Variants in MYH9 observed in about 807,000 individuals in gnomAD.
MYH9 encodes the protein myosin heavy chain 9.
MYH9 carries 29 observed loss-of-function variants against 241.9 expected under a neutral mutation model. That is an observed-to-expected ratio of 0.12 (90% CI 0.09 to 0.16). The LOEUF is 0.16. Among genes scored for constraint, MYH9 ranks in the 10% least tolerant of loss-of-function variants. The pLI is 1.00. For synonymous variants in MYH9, 1,047 were observed against 1,062.6 expected (o/e 0.99, Z 0.29); for missense variants, 1,803 against 2,595.5 (o/e 0.69, Z 6.63).
rs1419115329 is a variant in MYH9 at position 36,329,702 on chromosome 22, G to A, written c.491-2214C>T. 1.3e-5 allele frequency among the ~76,000 whole-genome samples: 2 copies of A among 152,210 alleles called. No individual in the cohort carries two copies. The highest frequency in any genetic ancestry group is 2.9e-5 in the Non-Finnish European group (2 of 68,036). ...AATTCCTCTAATTGTGTGAGGAGGA[G>A]TCAGAGGCTCTGCTGCTGAACAACA... On this transcript the variant is annotated intron_variant, in intron 3 of 40. Transcript: ENST00000216181. The surrounding 1 kb of genome is among the most constrained non-coding windows in gnomAD (Gnocchi z 4.1).
At chr22:36,318,628 C>A (rs1431658754) in intron 10 of MYH9, among the ~76,000 whole-genome samples, 2 of 152,210 alleles carry the variant, frequency 1.3e-5, no homozygotes, top group African/African-American at 2.4e-5. Context: ...GAGGCCACAG[C>A]GGCAGCAGTG....
intron 1 of MYH9, among the ~76,000 whole-genome samples, chr22:36,369,685 G>C (rs2018062508): frequency 6.6e-6 from 1 of 152,242 alleles, no homozygotes; most frequent in African/African-American, 2.4e-5. Flanking sequence ...AACCACCACT[G>C]TGAGGCTATG....
rs983436378 is a variant in MYH9 at position 36,285,009 on chromosome 22, C to T, written c.5483+112G>A. ...GCCCCATCAGGAGGGAGGGAAACAG[C>T]CCCAGGCTCAGGAGACAGAGAGCTG... On this transcript the variant is annotated intron_variant, in intron 38 of 40. Coordinates refer to ENST00000216181, the MANE Select transcript of MYH9 (RefSeq NM_002473.6). The surrounding 1 kb of genome is among the most constrained non-coding windows in gnomAD (Gnocchi z 7.0). 8 of 1,032,808 alleles carry T rather than the reference C, an allele frequency of 7.7e-6. No homozygotes were observed. The Admixed American group carries it at 1.4e-4, about 19-fold the overall frequency. The allele number at this position is 1,032,808 out of a possible 1,614,324, so 64.0% of individuals were successfully genotyped here. A position where few individuals can be genotyped will look rare whatever the true frequency, so the allele number is the denominator to read the frequency against.
At chr22:36,332,993 C>G (rs185359634) in intron 3 of MYH9, among the ~76,000 whole-genome samples, 2 of 152,282 alleles carry the variant, frequency 1.3e-5, no homozygotes, top group Admixed American at 6.5e-5. Flanking sequence ...CCGCCTTGCT[C>G]CTACCTAACA....
At chr22:36,297,267 G>T in intron 24 of MYH9, 1 of 533,616 alleles carries the variant, frequency 1.9e-6, no homozygotes, top group East Asian at 3.2e-5. Context: ...TCCTAAAGCT[G>T]GTGTTTGTAA....
chr22:36,369,031 G>A (rs1026392172), intron 1 of MYH9, among the ~76,000 whole-genome samples: 25 of 152,148 alleles, frequency 1.6e-4, no homozygotes, highest in Middle Eastern at 3.4e-3. Context: ...GGTCCTCCAA[G>A]GTGTATGATA....
chr22:36,348,431 C>G (rs1230500177), intron 2 of MYH9, among the ~76,000 whole-genome samples: 1 of 150,446 alleles, frequency 6.6e-6, no homozygotes, highest in Admixed American at 6.6e-5. Flanking sequence ...ATCGCTTGAA[C>G]CCAGGAGACA....
chr22:36,308,527 G>A (rs760961085), intron 15 of MYH9, among the ~76,000 whole-genome samples: 27 of 151,924 alleles, frequency 1.8e-4, no homozygotes, highest in Non-Finnish European at 1.5e-5. Flanking sequence ...TCCCGCCTCA[G>A]CCTCCCAGAT....
intron 2 of MYH9, among the ~76,000 whole-genome samples, chr22:36,342,033 G>C (rs113996130): frequency 0.024 from 3,680 of 152,296 alleles, 144 homozygotes; most frequent in African/African-American, 0.084. Flanking sequence ...AAACCAATTA[G>C]ATCCTTTGTG....
intron 21 of MYH9, 90 bp from the exon 22 acceptor site, chr22:36,301,147 G>C: frequency 7.8e-7 from 1 of 1,283,052 alleles, no homozygotes; most frequent in Non-Finnish European, 1.1e-6. Context: ...CGGGATCCCA[G>C]AGGGAAAGGA....
Position 36,302,561 on chromosome 22 carries a change from C to T in MYH9, c.2499+7G>A, listed in dbSNP as rs964685999. On this transcript the variant is annotated splice_region_variant and intron_variant, in intron 20 of 40. Coordinates refer to ENST00000216181, the MANE Select transcript of MYH9 (RefSeq NM_002473.6). The stretch of plus-strand genomic sequence containing the variant: ...CCAGCTACTCAGGAGGCCCTTCTAG[C>T]ACGCACCTTGGTGAAGAGCCGCCAC... 24 of 1,611,464 alleles carry T rather than the reference C, an allele frequency of 1.5e-5. No homozygotes were observed. The highest frequency in any genetic ancestry group is 2.0e-5 in the Non-Finnish European group (23 of 1,179,102).
At chr22:36,324,489 A>AACC (rs2017305066) in intron 5 of MYH9, among the ~76,000 whole-genome samples, 1 of 152,232 alleles carries the variant, frequency 6.6e-6, no homozygotes, top group South Asian at 2.1e-4. Context: ...TCTGCCTGGA[A>AACC]AGCCCCTTGG....
rs1281276120 is a variant in MYH9 at position 36,289,121 on chromosome 22, C to T, written c.4521G>A (p.Glu1507=). The change falls in exon 32 of 41, where the codon GAG becomes GAA. Residue 1507 remains glutamate, a synonymous_variant. Transcript: ENST00000216181. ...CATCATCCTTGGAGCTCATAAGGTC[C>T]TCCATCTCCGTGCGGAACTGCTTGT... The part of the protein sequence containing the change: ...RLNKQFRTEM[E]DLMSSKDDVG... 4 of 1,614,142 alleles carry T rather than the reference C, an allele frequency of 2.5e-6. No individual in the cohort carries two copies. The highest frequency in any genetic ancestry group is 4.5e-5 in the East Asian group (2 of 44,870).
chr22:36,341,570 T>C (rs2017591069), intron 2 of MYH9, 44 bp from the exon 3 acceptor site: 1 of 1,605,134 alleles, frequency 6.2e-7, no homozygotes, highest in South Asian at 1.1e-5. Context: ...GGAAGTTTGA[T>C]TCTCAGTAGT....
At chr22:36,323,306 C>T (rs1376646304) in intron 5 of MYH9, among the ~76,000 whole-genome samples, 1 of 152,216 alleles carries the variant, frequency 6.6e-6, no homozygotes, top group Non-Finnish European at 1.5e-5. Flanking sequence ...ATCCGCAGAG[C>T]GGGGTGGCGG....
chr22:36,379,591 C>T (rs910425185), intron 1 of MYH9, among the ~76,000 whole-genome samples: 1 of 152,196 alleles, frequency 6.6e-6, no homozygotes, highest in African/African-American at 2.4e-5. Context: ...CCCCTTTTCT[C>T]CTCTGGGACA....
Position 36,288,626 on chromosome 22 carries a change from C to A in MYH9, c.4770+101G>T. On this transcript the variant is annotated intron_variant, in intron 33 of 40. Transcript: ENST00000216181. The surrounding 1 kb of genome is among the most constrained non-coding windows in gnomAD (Gnocchi z 4.8). ...AGGAATATGGGAGGGGAGGCGTGGT[C>A]AAGGGGCCCTAACACAATCCAGGTG... is the stretch of plus-strand genomic sequence containing the variant. The A allele has an allele frequency of 1.4e-6, 2 of 1,464,386 alleles. No homozygotes were observed. The highest frequency in any genetic ancestry group is 2.3e-5 in the South Asian group (2 of 87,794). The allele number at this position is 1,464,386 out of a possible 1,614,324, so 90.7% of individuals were successfully genotyped here.
rs1183732992 is a variant in MYH9 at position 36,282,186 on chromosome 22, G to A, written c.*482C>T. 6.0e-6 allele frequency: 2 copies of A among 334,282 alleles called. No homozygotes were observed. The highest frequency in any genetic ancestry group is 1.1e-5 in the Non-Finnish European group (2 of 177,676). 20.7% of individuals were successfully genotyped at this position (334,282 alleles called of 1,614,324 possible). On this transcript the variant is annotated 3_prime_UTR_variant, in exon 41 of 41. Transcript: ENST00000216181. ...GGCCCAAGGGGCAGAGGTGTGTGAGGTCACCACGTGTGATTGCAAACAGCA... is the reference window on the plus strand; with the variant it reads ...GGCCCAAGGGGCAGAGGTGTGTGAGATCACCACGTGTGATTGCAAACAGCA...
intron 1 of MYH9, among the ~76,000 whole-genome samples, chr22:36,384,603 A>G: frequency 2.1e-5 from 1 of 47,182 alleles, no homozygotes; most frequent in Admixed American, 3.9e-4. Context: ...AAAAAAAAAA[A>G]AAAAAAAAAT....
Sources: gnomAD v4.1 joint callset for allele counts (sites outside exome capture counted in the v4.1 genomes callset) on GRCh38, gnomAD v4.1.1 for gene constraint, Gnocchi (gnomAD v3.1) non-coding constraint, MANE v1.5 for transcripts, NCBI Gene and HGNC (gene_info 2026-07-23, HGNC 2026-07-21) for gene names.